SH3YL1: variants seen among roughly 807,000 people sequenced by gnomAD.
SH3YL1 encodes the protein SH3 domain-containing YSC84-like protein 1.
A neutral mutation model predicts 45.8 loss-of-function variants in SH3YL1; 41 were observed. That is an observed-to-expected ratio of 0.89 (90% CI 0.70 to 1.16). The LOEUF (loss-of-function observed/expected upper bound fraction) is 1.16, where lower values mean the gene tolerates loss of function less well. SH3YL1 is among the 50% of genes most tolerant of loss of function. The probability of loss-of-function intolerance (pLI) is 0.00; values close to 1 mark genes in which losing one functional copy is unlikely to be tolerated. For synonymous variants in SH3YL1, 152 were observed against 151.4 expected (o/e 1.00, Z -0.03); for missense variants, 389 against 409.6 (o/e 0.95, Z 0.43).
chr2:253,822 T>G (rs1021591553), intron 1 of SH3YL1, among the ~76,000 whole-genome samples: 3 of 152,154 alleles, frequency 2.0e-5, no homozygotes, highest in Non-Finnish European at 4.4e-5. Context: ...GGACCCCTTT[T>G]TGGTAACACA....
intron 4 of SH3YL1, among the ~76,000 whole-genome samples, chr2:234,864 T>C (rs1668216962): frequency 6.6e-6 from 1 of 152,132 alleles, no homozygotes; most frequent in Admixed American, 6.6e-5. Flanking sequence ...AATGCCTATT[T>C]CCATGACTTA....
chr2:223,282 A>G (rs1270767459), intron 9 of SH3YL1, among the ~76,000 whole-genome samples: 1 of 152,152 alleles, frequency 6.6e-6, no homozygotes, highest in Non-Finnish European at 1.5e-5. Flanking sequence ...GGTGCTGTTT[A>G]TAGGAAGTTT....
chr2:218,682 A>T lies in SH3YL1; in HGVS notation c.*129T>A. The T allele has an allele frequency of 1.3e-6, 1 of 751,616 alleles. No individual in the cohort carries two copies. Among genetic ancestry groups the T allele is most frequent in the Non-Finnish European group, 2.1e-6 (1 of 482,976 alleles). 46.6% of individuals were successfully genotyped at this position (751,616 alleles called of 1,614,324 possible). A position where few individuals can be genotyped will look rare whatever the true frequency, so the allele number is the denominator to read the frequency against. On this transcript the variant is annotated 3_prime_UTR_variant, in exon 10 of 10. Transcript: ENST00000356150. ...TTTATATAGAAAAACAAAATCTTTT[A>T]CATACGGAATGGAAATTTTGTAGAA...
At chr2:219,863 C>A (rs1667499662) in intron 9 of SH3YL1, among the ~76,000 whole-genome samples, 1 of 151,900 alleles carries the variant, frequency 6.6e-6, no homozygotes, top group African/African-American at 2.4e-5. Context: ...CTCTCAATAT[C>A]AGAGATAAGT....
chr2:237,001 G>A (rs1241384624), intron 4 of SH3YL1, among the ~76,000 whole-genome samples: 1 of 152,140 alleles, frequency 6.6e-6, no homozygotes, highest in Non-Finnish European at 1.5e-5. Flanking sequence ...GACAATTTCT[G>A]AGGGTTATGG....
Position 262,701 on chromosome 2 carries a change from T to C in SH3YL1, c.1+1283A>G, listed in dbSNP as rs548760249. On this transcript the variant is annotated intron_variant, in intron 1 of 9. Transcript: ENST00000356150. ...GAGTCAGGGTAGCAGTTATTTCCCT[T>C]TGACTGCCTCAACTTCCTATGTTTG... The C allele has an allele frequency of 2.3e-6, 3 of 1,298,490 alleles. No individual in the cohort carries two copies. In the South Asian group the frequency reaches 3.8e-5, roughly 16 times the overall value. The allele number at this position is 1,298,490 out of a possible 1,614,324, so 80.4% of individuals were successfully genotyped here.
At chr2:257,836 T>C (rs1304555579) in intron 1 of SH3YL1, among the ~76,000 whole-genome samples, 1 of 152,234 alleles carries the variant, frequency 6.6e-6, no homozygotes, top group African/African-American at 2.4e-5. Flanking sequence ...TTGCATATGG[T>C]ATAAGGAAGG....
intron 1 of SH3YL1, chr2:262,512 C>A: frequency 1.8e-6 from 2 of 1,142,106 alleles, no homozygotes; most frequent in South Asian, 1.3e-5. Flanking sequence ...TCCACACATG[C>A]CACACTGGTC....
chr2:238,259 T>TG (rs1668391406), intron 4 of SH3YL1, among the ~76,000 whole-genome samples: 1 of 141,860 alleles, frequency 7.0e-6, no homozygotes, highest in Non-Finnish European at 1.5e-5. Flanking sequence ...TCCTCCCTCC[T>TG]TGTGTGTGTG....
At chr2:242,969 C>A in intron 4 of SH3YL1, 1 of 692,964 alleles carries the variant, frequency 1.4e-6, no homozygotes, top group Non-Finnish European at 2.1e-6. Context: ...CAATTATAAA[C>A]ATAGTAATAC....
intron 4 of SH3YL1, among the ~76,000 whole-genome samples, chr2:245,544 T>C (rs1668759747): frequency 6.6e-6 from 1 of 152,216 alleles, no homozygotes; most frequent in African/African-American, 2.4e-5. Context: ...AGGCTATCTT[T>C]AACTGTGTTT....
intron 6 of SH3YL1, among the ~76,000 whole-genome samples, chr2:232,384 T>C (rs1301919730): frequency 6.6e-6 from 1 of 151,946 alleles, no homozygotes; most frequent in East Asian, 1.9e-4. Context: ...TCCACAAACA[T>C]CTGAAAATCA....
intron 1 of SH3YL1, among the ~76,000 whole-genome samples, chr2:261,982 C>A (rs983113657): frequency 5.3e-5 from 8 of 152,124 alleles, no homozygotes; most frequent in African/African-American, 1.9e-4. Flanking sequence ...GAGGTTAACT[C>A]ATTAAACTGA....
intron 7 of SH3YL1, 132 bp downstream of exon 7, chr2:230,891 C>T (rs909466014): frequency 7.3e-6 from 6 of 821,460 alleles, no homozygotes; most frequent in Non-Finnish European, 1.2e-5. Context: ...ATGACCTTTT[C>T]ACAAGAATGT....
intron 9 of SH3YL1, among the ~76,000 whole-genome samples, chr2:220,039 T>C (rs1199527913): frequency 6.6e-6 from 1 of 151,698 alleles, no homozygotes; most frequent in Admixed American, 6.6e-5. Context: ...AAAATATAAT[T>C]AAACAGTTTT....
intron 4 of SH3YL1, among the ~76,000 whole-genome samples, chr2:239,066 C>T (rs951069881): frequency 5.1e-4 from 77 of 152,172 alleles, no homozygotes; most frequent in African/African-American, 1.8e-3. Flanking sequence ...TCCAGTGAAA[C>T]CACAGCACGA....
At chr2:253,379 A>T (rs1399078162) in intron 1 of SH3YL1, among the ~76,000 whole-genome samples, 2 of 152,268 alleles carry the variant, frequency 1.3e-5, no homozygotes, top group African/African-American at 2.4e-5. Flanking sequence ...AGCATGCAGT[A>T]AAGGAGCTGG....
At chr2:244,860 G>A (rs886656038) in intron 4 of SH3YL1, 1 of 152,330 alleles carries the variant, frequency 6.6e-6, no homozygotes, top group African/African-American at 2.4e-5. Flanking sequence ...TCCCAGAGAA[G>A]CCAGGTCCAA....
chr2:229,615 G>A (rs1284397043), intron 8 of SH3YL1, among the ~76,000 whole-genome samples: 1 of 149,824 alleles, frequency 6.7e-6, no homozygotes, highest in Non-Finnish European at 1.5e-5. Context: ...TGTAGTCCCA[G>A]CTACTTGGGA....
Sources: gnomAD v4.1 joint callset for allele counts (sites outside exome capture counted in the v4.1 genomes callset) on GRCh38, gnomAD v4.1.1 for gene constraint, MANE v1.5 for transcripts, NCBI Gene and HGNC (gene_info 2026-07-23, HGNC 2026-07-21) for gene names.